Variants in NID1 observed in about 807,000 individuals in gnomAD.
NID1 encodes nidogen-1.
A neutral mutation model predicts 130.6 loss-of-function variants in NID1; 76 were observed. The observed-to-expected ratio is 0.58, with a 90% confidence interval of 0.48 to 0.70. The LOEUF (loss-of-function observed/expected upper bound fraction) is 0.70, where lower values mean the gene tolerates loss of function less well. Among genes scored for constraint, NID1 ranks in the 30% least tolerant of loss-of-function variants. The pLI is 0.00. For synonymous variants in NID1, 665 were observed against 675.1 expected, an observed-to-expected ratio of 0.98 and a Z score of 0.23; for missense variants, 1,517 against 1,664.8, an observed-to-expected ratio of 0.91 and a Z score of 1.54.
chr1:235,984,501 A>G (rs75495983), intron 15 of NID1, among the ~76,000 whole-genome samples: 3,197 of 152,340 alleles, frequency 0.021, 101 homozygotes, highest in African/African-American at 0.07. Flanking sequence ...AGAAAAAACT[A>G]CATTCAGTGC....
intron 8 of NID1, among the ~76,000 whole-genome samples, chr1:236,025,546 G>A (rs957751565): frequency 1.3e-5 from 2 of 152,184 alleles, no homozygotes; most frequent in African/African-American, 4.8e-5. Flanking sequence ...ACAGGCATGA[G>A]CCACTGGACC....
At chr1:236,027,898 C>A (rs1410262597) in intron 7 of NID1, among the ~76,000 whole-genome samples, 3 of 151,810 alleles carry the variant, frequency 2.0e-5, no homozygotes, top group Non-Finnish European at 4.4e-5. Flanking sequence ...GGTTTAATGA[C>A]CCACATATGA....
chr1:236,033,260 A>G (rs1161821525), intron 5 of NID1, among the ~76,000 whole-genome samples: 1 of 152,202 alleles, frequency 6.6e-6, no homozygotes, highest in East Asian at 1.9e-4. Context: ...GTGAGCCAAG[A>G]TCATGCCACC....
chr1:236,047,068 A>C (rs1262703165), intron 2 of NID1, among the ~76,000 whole-genome samples: 1 of 152,120 alleles, frequency 6.6e-6, no homozygotes, highest in Admixed American at 6.5e-5. Flanking sequence ...CCAAGATGGC[A>C]CCACTGCACT....
intron 7 of NID1, 21 bp downstream of exon 7, chr1:236,029,529 T>C (rs1659035099): frequency 1.3e-6 from 2 of 1,549,024 alleles, no homozygotes; most frequent in Admixed American, 2.0e-5. Context: ...GGGCTGGCCC[T>C]GGGACACAGC....
intron 12 of NID1, among the ~76,000 whole-genome samples, chr1:236,009,232 A>G (rs894421198): frequency 2.0e-5 from 3 of 152,170 alleles, no homozygotes; most frequent in African/African-American, 4.8e-5. Context: ...AGCGTCCCCA[A>G]AGAGACCTCT....
chr1:236,051,389 T>C (rs183577972), intron 1 of NID1, among the ~76,000 whole-genome samples: 2 of 151,752 alleles, frequency 1.3e-5, no homozygotes, highest in African/African-American at 4.8e-5. Context: ...ACTCTAAACA[T>C]GCCAAAAACT....
chr1:236,022,329 G>C lies in NID1; in HGVS notation c.2128+1741C>G, dbSNP rs1658789508. ...AGGAGAATGAAACTCACACCCATTA[G>C]GATGGCCCCTATTTTTTTTTTTTTT... is the stretch of plus-strand genomic sequence containing the variant. On this transcript the variant is annotated intron_variant, in intron 9 of 19. Transcript: ENST00000264187. Among the ~76,000 whole-genome samples, 4 of 137,400 alleles carry C rather than the reference G, an allele frequency of 2.9e-5. No homozygotes were observed. The South Asian group carries it at 1.0e-3, about 34-fold the overall frequency. 90.1% of individuals were successfully genotyped at this position (137,400 alleles called of 152,430 possible).
At chr1:236,015,658 A>AAAAAG in intron 10 of NID1, among the ~76,000 whole-genome samples, 1 of 151,048 alleles carries the variant, frequency 6.6e-6, no homozygotes, top group Admixed American at 6.6e-5. Context: ...AAAAAAAAAA[A>AAAAAG]AAAAAAAAAG....
chr1:236,041,883 T>G, intron 4 of NID1, 27 bp downstream of exon 4: 1 of 1,581,520 alleles, frequency 6.3e-7, no homozygotes, highest in Non-Finnish European at 8.6e-7. Context: ...CCAAGATCGT[T>G]ACCAACTGCA....
At chr1:236,059,827 C>T (rs892015555) in intron 1 of NID1, among the ~76,000 whole-genome samples, 9 of 152,148 alleles carry the variant, frequency 5.9e-5, no homozygotes, top group African/African-American at 1.9e-4. Context: ...AGCAGCCGGG[C>T]GTGGTGGCTC....
intron 10 of NID1, 139 bp from the exon 11 acceptor site, chr1:236,013,699 C>T (rs1383282771): frequency 2.2e-6 from 2 of 918,100 alleles, no homozygotes; most frequent in Admixed American, 2.4e-5. Context: ...CTGCACCCCA[C>T]TCCTCACTGG....
At chr1:236,019,624 C>T (rs12411075) in intron 9 of NID1, among the ~76,000 whole-genome samples, 18,683 of 152,178 alleles carry the variant, frequency 0.12, 1,614 homozygotes, top group East Asian at 0.26. Flanking sequence ...ACCTCCATGC[C>T]GGCTTACACA....
chr1:236,064,608 C>A (rs1048744070), intron 1 of NID1: 1 of 510,156 alleles, frequency 2.0e-6, no homozygotes, highest in African/African-American at 2.0e-5. Context: ...TCCATGGGTG[C>A]CGGGGTCACG....
chr1:235,990,330 G>T (rs1367513648), intron 14 of NID1, among the ~76,000 whole-genome samples: 1 of 152,180 alleles, frequency 6.6e-6, no homozygotes, highest in African/African-American at 2.4e-5. Flanking sequence ...AGTGAGGAAT[G>T]ATAGGGCTTT....
chr1:236,057,062 C>A (rs536194329), intron 1 of NID1, among the ~76,000 whole-genome samples: 96 of 152,136 alleles, frequency 6.3e-4, no homozygotes, highest in Non-Finnish European at 1.1e-3. Context: ...AGTTTGAGGC[C>A]AGCCTGACCA....
intron 4 of NID1, among the ~76,000 whole-genome samples, chr1:236,039,015 T>C (rs901242879): frequency 2.1e-5 from 3 of 139,790 alleles, no homozygotes; most frequent in African/African-American, 7.8e-5. Flanking sequence ...ATATAATATA[T>C]ATTTACATTA....
chr1:236,041,851 G>C lies in NID1; in HGVS notation c.1135+59C>G, dbSNP rs1044643474. 4 of 1,547,342 alleles carry C rather than the reference G, an allele frequency of 2.6e-6. No homozygotes were observed. In the East Asian group the frequency reaches 6.8e-5, roughly 26 times the overall value. On this transcript the variant is annotated intron_variant, in intron 4 of 19. Transcript: ENST00000264187. ...ACAACTGACATCTCCCCAGCAGTAC[G>C]CCTGTCTGGAAGCCCACACATCCAA...
intron 13 of NID1, among the ~76,000 whole-genome samples, chr1:235,991,802 A>G (rs751090016): frequency 5.3e-5 from 8 of 152,166 alleles, no homozygotes; most frequent in African/African-American, 9.6e-5. Flanking sequence ...AGTGCAAACT[A>G]TTGAGCTTTT....
Sources: allele counts gnomAD v4.1 joint callset (sites outside exome capture counted in the v4.1 genomes callset), GRCh38; gene constraint gnomAD v4.1.1; transcripts MANE v1.5; gene names NCBI Gene and HGNC (gene_info 2026-07-23, HGNC 2026-07-21).